The following CR1 variants were observed in gnomAD, a reference collection of about 807,000 sequenced individuals.
CR1 encodes complement C3b/C4b receptor 1 (Knops blood group), also known as complement receptor type 1.
CR1 carries 116 observed loss-of-function variants against 187.3 expected under a neutral mutation model. The observed-to-expected ratio is 0.62, with a 90% CI of 0.53 to 0.72. The LOEUF (loss-of-function observed/expected upper bound fraction) is 0.72, where lower values mean the gene tolerates loss of function less well. Among genes scored for constraint, CR1 ranks in the 30% least tolerant of loss-of-function variants. CR1 has a pLI of 0.00. For synonymous variants in CR1, 576 were observed against 747.1 expected (o/e 0.77, Z 3.73); for missense variants, 1,731 against 2,110.7 (o/e 0.82, Z 3.52).
chr1:207,614,140 T>C (rs1662024134), intron 39 of CR1, among the ~76,000 whole-genome samples: 2 of 152,226 alleles, frequency 1.3e-5, no homozygotes, highest in African/African-American at 2.4e-5. Context: ...GAAGTTTATA[T>C]GGCAATTATG....
intron 40 of CR1, 60 bp from the exon 41 acceptor site, chr1:207,616,512 CTAT>C: frequency 4.5e-6 from 7 of 1,551,890 alleles, no homozygotes; most frequent in Non-Finnish European, 6.2e-6. Context: ...TCACAGGTCA[CTAT>C]TGTTTCAGTC....
chr1:207,599,942 G>C (rs1435681771), intron 35 of CR1, among the ~76,000 whole-genome samples: 1 of 152,158 alleles, frequency 6.6e-6, no homozygotes, highest in African/African-American at 2.4e-5. Context: ...TATAACTAAG[G>C]AGTAGATGTT....
intron 46 of CR1, among the ~76,000 whole-genome samples, chr1:207,637,655 T>A (rs1263246221): frequency 1.3e-5 from 2 of 152,236 alleles, no homozygotes; most frequent in East Asian, 3.8e-4. Context: ...TGATACCCAA[T>A]GGAAATATTT....
At position 207,607,336 on chromosome 1, in the gene CR1, A is replaced by G; in HGVS notation, c.5896A>G (p.Ile1966Val). 6.2e-7 allele frequency: 1 copy of G among 1,607,654 alleles called. No individual in the cohort carries two copies. Among genetic ancestry groups the G allele is most frequent in the Admixed American group, 1.7e-5 (1 of 59,988 alleles). The change falls in exon 36 of 47, where the codon ATC (isoleucine) becomes GTC (valine). Residue 1966 changes from isoleucine to valine, a missense_variant and splice_region_variant. Coordinates refer to ENST00000367049, the MANE Select transcript of CR1 (RefSeq NM_000651.6). ...TWDKKAPICE[I>V]ISCEPPPTIS... Reference sequence around the variant, plus strand: ...GGATAAGAAGGCACCTATTTGTGAGAGTAAGTTGAAATACTTTTCTCCACA... The same window carrying G: ...GGATAAGAAGGCACCTATTTGTGAGGGTAAGTTGAAATACTTTTCTCCACA...
chr1:207,581,279 C>T (rs950253302), intron 31 of CR1, among the ~76,000 whole-genome samples: 3 of 137,760 alleles, frequency 2.2e-5, no homozygotes, highest in Non-Finnish European at 4.7e-5. Flanking sequence ...CATATGGACA[C>T]GTATATGTAT....
intron 4 of CR1, among the ~76,000 whole-genome samples, chr1:207,523,265 C>A (rs1421813477): frequency 1.3e-5 from 2 of 152,010 alleles, no homozygotes; most frequent in Non-Finnish European, 2.9e-5. Flanking sequence ...AAAAAGCTAA[C>A]CTTGGTTAAT....
intron 4 of CR1, among the ~76,000 whole-genome samples, chr1:207,520,968 GTTTTTTTTT>G (rs141546660): frequency 2.2e-5 from 1 of 44,568 alleles, no homozygotes; most frequent in Non-Finnish European, 3.8e-5. Flanking sequence ...TTTTTTGGTT[GTTTTTTTTT>G]TTTTTTTTTT....
intron 41 of CR1, among the ~76,000 whole-genome samples, chr1:207,617,642 G>A (rs1212123307): frequency 4.3e-5 from 4 of 93,076 alleles, no homozygotes; most frequent in Non-Finnish European, 1.0e-4. Flanking sequence ...GAGAGAGAGA[G>A]AGAGAGAGAG....
chr1:207,615,373 G>A (rs899597106), intron 40 of CR1, among the ~76,000 whole-genome samples: 12 of 152,122 alleles, frequency 7.9e-5, no homozygotes, highest in Admixed American at 7.9e-4. Flanking sequence ...TAGTTAAATA[G>A]GGATGTTATG....
At chr1:207,627,697 G>A (rs1176882632) in intron 45 of CR1, among the ~76,000 whole-genome samples, 1 of 152,174 alleles carries the variant, frequency 6.6e-6, no homozygotes, top group East Asian at 1.9e-4. Context: ...TACTGCTTGA[G>A]CCAATGAGTT....
At chr1:207,638,331 A>G (rs1034538636) in intron 46 of CR1, among the ~76,000 whole-genome samples, 9 of 152,248 alleles carry the variant, frequency 5.9e-5, no homozygotes, top group African/African-American at 2.2e-4. Context: ...GTTTTTTAAC[A>G]TGGGAAGTAC....
At position 207,613,318 on chromosome 1, in the gene CR1, C is replaced by A. The variant is rs532585140; in HGVS notation, c.6576-1086C>A. On this transcript the variant is annotated intron_variant, in intron 39 of 46. Transcript: ENST00000367049. ...ATGGACACAGAATGGGGAGCCTGTGCTGATTGGTTTGTGACTATGCAAAAA... is the reference window on the plus strand; with the variant it reads ...ATGGACACAGAATGGGGAGCCTGTGATGATTGGTTTGTGACTATGCAAAAA... 1.2e-4 allele frequency among the ~76,000 whole-genome samples: 19 copies of A among 152,224 alleles called. No individual in the cohort carries two copies. The East Asian group carries it at 3.7e-3, about 29-fold the overall frequency.
chr1:207,632,797 C>CAAAAAAAAAAAAAAAA (rs55649027), intron 46 of CR1, among the ~76,000 whole-genome samples: 4 of 107,656 alleles, frequency 3.7e-5, no homozygotes, highest in African/African-American at 1.3e-4. Flanking sequence ...GACTCCGTCT[C>CAAAAAAAAAAAAAAAA]AAAAAAAAAA....
rs185656323 is a variant in CR1 at position 207,618,857 on chromosome 1, A to G, written c.7066+610A>G. Among the ~76,000 whole-genome samples the G allele has an allele frequency of 2.0e-5, 3 of 151,694 alleles. 1 individual carries two copies. Among genetic ancestry groups the G allele is most frequent in the Admixed American group, 2.0e-4 (3 of 15,214 alleles). ...AGAGATCGAGACCATCCTGGCCAACATGGTGAAACCCCGTTTCTACTAAAA... is the reference window on the plus strand; with the variant it reads ...AGAGATCGAGACCATCCTGGCCAACGTGGTGAAACCCCGTTTCTACTAAAA... On this transcript the variant is annotated intron_variant, in intron 42 of 46. Transcript: ENST00000367049.
At chr1:207,590,340 A>T (rs1307818116) in intron 35 of CR1, among the ~76,000 whole-genome samples, 1 of 152,224 alleles carries the variant, frequency 6.6e-6, no homozygotes, top group East Asian at 1.9e-4. Context: ...TCAACCCAGA[A>T]TTTCATATCT....
chr1:207,595,390 A>G (rs1354127821), intron 35 of CR1, among the ~76,000 whole-genome samples: 2 of 152,146 alleles, frequency 1.3e-5, no homozygotes, highest in Admixed American at 1.3e-4. Flanking sequence ...TTGAAGGCTT[A>G]CTAGACAAAT....
rs1346710526 is a variant in CR1 at position 207,619,952 on chromosome 1, A to G, written c.7139A>G (p.Tyr2380Cys). The G allele has an allele frequency of 6.2e-7, 1 of 1,612,178 alleles. No individual in the cohort carries two copies. The highest frequency in any genetic ancestry group is 1.7e-5 in the Admixed American group (1 of 59,802). Residue 2380 changes from tyrosine to cysteine, a missense_variant, in exon 43 of 47, where the codon TAT (tyrosine) becomes TGT (cysteine). Around this residue, in one of 5 missense-constraint regions of CR1, gnomAD observed 1,312 missense variants for 1,379.6 expected, o/e 0.95. Coordinates refer to ENST00000367049, the MANE Select transcript of CR1 (RefSeq NM_000651.6). Reference protein sequence around the residue: ...KELEMKKVYHYGDYVTLKCED... With the variant: ...KELEMKKVYHCGDYVTLKCED... Reference sequence around the variant, plus strand: ...TTAGAAATGAAAAAAGTATATCACTATGGAGATTATGTGACTTTGAAGTGT... The same window carrying G: ...TTAGAAATGAAAAAAGTATATCACTGTGGAGATTATGTGACTTTGAAGTGT...
At chr1:207,618,460 A>G (rs1170749358) in intron 42 of CR1, among the ~76,000 whole-genome samples, 10 of 152,232 alleles carry the variant, frequency 6.6e-5, no homozygotes, top group Non-Finnish European at 1.0e-4. Context: ...CAGAGCATTA[A>G]CAAAATCACC....
chr1:207,591,319 A>G (rs1455027627), intron 35 of CR1, among the ~76,000 whole-genome samples: 2 of 152,246 alleles, frequency 1.3e-5, no homozygotes, highest in African/African-American at 2.4e-5. Flanking sequence ...GCACAACTAC[A>G]TGGAAACTGA....
Sources: gnomAD v4.1 joint callset for allele counts (sites outside exome capture counted in the v4.1 genomes callset) on GRCh38, gnomAD v4.1.1 for gene constraint, gnomAD v4.1.1 regional missense constraint, MANE v1.5 for transcripts, NCBI Gene and HGNC (gene_info 2026-07-23, HGNC 2026-07-21) for gene names.